The following RBFOX1 variants were observed in gnomAD, a reference collection of about 807,000 sequenced individuals.
The protein encoded by RBFOX1 is RNA binding protein fox-1 homolog 1.
A neutral mutation model predicts 57.7 loss-of-function variants in RBFOX1; 8 were observed. The observed-to-expected ratio is 0.14, with a 90% confidence interval of 0.08 to 0.25. The LOEUF is 0.25. Among genes scored for constraint, RBFOX1 ranks in the 10% least tolerant of loss-of-function variants. The pLI is 1.00. For missense variants in RBFOX1, 611 were observed against 548.5 expected (o/e 1.11, Z -1.14); for synonymous variants, 326 against 222.4 (o/e 1.47, Z -4.15).
At chr16:7,357,502 C>T (rs879631399) in intron 4 of RBFOX1, among the ~76,000 whole-genome samples, 3 of 152,134 alleles carry the variant, frequency 2.0e-5, no homozygotes, top group Admixed American at 6.5e-5. Context: ...GTCCTGCTTA[C>T]TGCTGTTTGA....
intron 4 of RBFOX1, among the ~76,000 whole-genome samples, chr16:7,214,669 C>T (rs1157210670): frequency 6.6e-6 from 1 of 152,074 alleles, no homozygotes; most frequent in African/African-American, 2.4e-5. Context: ...GCTCTGAGCC[C>T]TGCACATAAA....
At chr16:5,750,607 G>C (rs1202601714) in intron 3 of RBFOX1, among the ~76,000 whole-genome samples, 3 of 152,278 alleles carry the variant, frequency 2.0e-5, no homozygotes, top group East Asian at 1.9e-4. Flanking sequence ...CTTGCAGTTC[G>C]ATCTCAGACG....
chr16:5,467,301 G>A, intron 2 of RBFOX1: 3 of 1,443,226 alleles, frequency 2.1e-6, no homozygotes, highest in Non-Finnish European at 2.8e-6. Context: ...GAAGTCTAGT[G>A]GAAATGAAAG....
chr16:6,144,007 C>T (rs1189192684), intron 1 of RBFOX1, among the ~76,000 whole-genome samples: 1 of 148,984 alleles, frequency 6.7e-6, no homozygotes, highest in East Asian at 2.0e-4. Flanking sequence ...CTATGTTGTC[C>T]AGGCTGGTTT....
chr16:6,653,766 G>GTGGA (rs1254172530), intron 2 of RBFOX1, among the ~76,000 whole-genome samples: 20 of 151,456 alleles, frequency 1.3e-4, no homozygotes, highest in Non-Finnish European at 2.8e-4. Context: ...AGATGAATGG[G>GTGGA]TGGATGGATG....
chr16:6,231,453 A>T (rs1046489136), intron 1 of RBFOX1, among the ~76,000 whole-genome samples: 1 of 152,160 alleles, frequency 6.6e-6, no homozygotes, highest in African/African-American at 2.4e-5. Flanking sequence ...AAAGATAAGG[A>T]TAGGGAGCCT....
chr16:6,887,561 T>A (rs1392531300), intron 3 of RBFOX1, among the ~76,000 whole-genome samples: 4 of 87,888 alleles, frequency 4.6e-5, no homozygotes, highest in Non-Finnish European at 1.2e-4. Context: ...ACACATATAC[T>A]TTTTTTTTTC....
intron 2 of RBFOX1, among the ~76,000 whole-genome samples, chr16:6,643,909 T>G (rs1284317585): frequency 6.6e-6 from 1 of 152,094 alleles, no homozygotes; most frequent in South Asian, 2.1e-4. Flanking sequence ...GTGGATCACC[T>G]GAGGTCAGGA....
At chr16:6,812,504 G>T (rs538491719) in intron 3 of RBFOX1, among the ~76,000 whole-genome samples, 75 of 152,136 alleles carry the variant, frequency 4.9e-4, no homozygotes, top group African/African-American at 1.7e-3. Context: ...CTACTGAGTA[G>T]CTGGGATTAC....
At chr16:5,564,716 AT>A (rs1411104329) in intron 2 of RBFOX1, among the ~76,000 whole-genome samples, 1 of 152,104 alleles carries the variant, frequency 6.6e-6, no homozygotes, top group East Asian at 1.9e-4. Flanking sequence ...TTATTTATTC[AT>A]TCTTATCTTT....
chr16:6,862,194 C>T (rs1034485165), intron 3 of RBFOX1, among the ~76,000 whole-genome samples: 1 of 152,122 alleles, frequency 6.6e-6, no homozygotes, highest in Non-Finnish European at 1.5e-5. Flanking sequence ...TGTTTAGGGA[C>T]ATAAATAAGT....
At chr16:7,518,489 G>A in intron 5 of RBFOX1, 100 bp downstream of exon 5, 2 of 1,478,574 alleles carry the variant, frequency 1.4e-6, no homozygotes, top group Non-Finnish European at 1.8e-6. Context: ...AGGGACTCTG[G>A]GAAACAGATC....
At chr16:7,156,696 C>G (rs1006173551) in intron 4 of RBFOX1, among the ~76,000 whole-genome samples, 1 of 152,066 alleles carries the variant, frequency 6.6e-6, no homozygotes, top group Non-Finnish European at 1.5e-5. Flanking sequence ...GTATTCCCTT[C>G]TATGAGTGAG....
intron 4 of RBFOX1, among the ~76,000 whole-genome samples, chr16:7,136,562 A>C (rs552688835): frequency 6.6e-6 from 1 of 152,168 alleles, no homozygotes; most frequent in South Asian, 2.1e-4. Context: ...GCACGCCACC[A>C]CACCTAGCTA....
chr16:6,682,255 G>C (rs1350245756), intron 3 of RBFOX1, among the ~76,000 whole-genome samples: 2 of 152,146 alleles, frequency 1.3e-5, no homozygotes, highest in African/African-American at 4.8e-5. Context: ...CCCACTCTCA[G>C]ATAGGAAGCA....
chr16:7,031,820 G>A (rs988958287), intron 3 of RBFOX1, among the ~76,000 whole-genome samples: 2 of 152,154 alleles, frequency 1.3e-5, no homozygotes, highest in East Asian at 1.9e-4. Flanking sequence ...TGGCTCACAT[G>A]TAAGCCAACG....
intron 12 of RBFOX1, among the ~76,000 whole-genome samples, chr16:7,658,122 T>C (rs1180300085): frequency 6.6e-6 from 1 of 152,292 alleles, no homozygotes. Context: ...TGACATGCAT[T>C]CAGTGAACTG....
intron 6 of RBFOX1, among the ~76,000 whole-genome samples, chr16:7,580,960 CA>C (rs1168081629): frequency 4.6e-5 from 7 of 152,176 alleles, no homozygotes; most frequent in Admixed American, 2.0e-4. Context: ...ACAAAAGGAA[CA>C]AGAAGATGCC....
chr16:5,985,147 G>A (rs1480151283), intron 4 of RBFOX1, among the ~76,000 whole-genome samples: 2 of 150,462 alleles, frequency 1.3e-5, no homozygotes, highest in African/African-American at 4.9e-5. Flanking sequence ...CACCATACCC[G>A]GCTCATATAT....
Sources: gnomAD v4.1 joint callset for allele counts (sites outside exome capture counted in the v4.1 genomes callset) on GRCh38, gnomAD v4.1.1 for gene constraint, MANE v1.5 for transcripts, NCBI Gene and HGNC (gene_info 2026-07-23, HGNC 2026-07-21) for gene names.